The following ITGB3 variants were observed in gnomAD, a reference collection of about 807,000 sequenced individuals.
ITGB3 encodes integrin subunit beta 3, also known as integrin beta-3.
A neutral mutation model predicts 85.8 loss-of-function variants in ITGB3; 48 were observed. That is an observed-to-expected ratio of 0.56 (90% confidence interval 0.44 to 0.71). The LOEUF (loss-of-function observed/expected upper bound fraction) is 0.71. Among genes scored for constraint, ITGB3 ranks in the 30% least tolerant of loss-of-function variants. The pLI, the probability that ITGB3 is intolerant of heterozygous loss-of-function variation, is 0.00. For missense variants in ITGB3, 861 were observed against 1,019.1 expected, an observed-to-expected ratio of 0.84 and a Z score of 2.11; for synonymous variants, 363 against 395.6, an observed-to-expected ratio of 0.92 and a Z score of 0.98.
At chr17:47,282,513 G>C (rs776148433) in intron 2 of ITGB3, among the ~76,000 whole-genome samples, 1 of 152,202 alleles carries the variant, frequency 6.6e-6, no homozygotes, top group African/African-American at 2.4e-5. Context: ...TAGGCTTGGA[G>C]GAATTAGGTG....
chr17:47,291,480 G>A, intron 9 of ITGB3: 2 of 408,852 alleles, frequency 4.9e-6, no homozygotes, highest in Non-Finnish European at 4.4e-6. Context: ...AATCTAAAAT[G>A]TAAAACACTC....
At chr17:47,290,105 C>A in intron 7 of ITGB3, 80 bp from the exon 8 acceptor site, 1 of 1,005,438 alleles carries the variant, frequency 9.9e-7, no homozygotes, top group Non-Finnish European at 1.6e-6. Flanking sequence ...TCTCAGGACT[C>A]TCAGTGGGAT....
chr17:47,256,476 C>T (rs531798629), intron 1 of ITGB3, among the ~76,000 whole-genome samples: 11 of 148,710 alleles, frequency 7.4e-5, no homozygotes, highest in Admixed American at 4.7e-4. Flanking sequence ...GAGTAATACC[C>T]CCCCCCCCAA....
At chr17:47,274,866 T>C (rs1048748277) in intron 2 of ITGB3, among the ~76,000 whole-genome samples, 10 of 152,166 alleles carry the variant, frequency 6.6e-5, no homozygotes, top group Admixed American at 4.6e-4. Flanking sequence ...AGGCTGGTCT[T>C]GAACTAGACA....
intron 1 of ITGB3, 65 bp downstream of exon 1, chr17:47,254,005 G>A: frequency 9.1e-7 from 1 of 1,094,514 alleles, no homozygotes; most frequent in Non-Finnish European, 1.2e-6. Flanking sequence ...GTCAAGTTGC[G>A]GACTTGGAGC....
At chr17:47,277,369 T>C (rs920945236) in intron 2 of ITGB3, among the ~76,000 whole-genome samples, 13 of 152,196 alleles carry the variant, frequency 8.5e-5, no homozygotes, top group Non-Finnish European at 1.5e-4. Context: ...ACATTGCTAA[T>C]TGAAGGGCCA....
intron 2 of ITGB3, among the ~76,000 whole-genome samples, chr17:47,275,478 T>A (rs1198002944): frequency 3.3e-5 from 5 of 152,122 alleles, no homozygotes; most frequent in Non-Finnish European, 5.9e-5. Context: ...GGCCAGCAGG[T>A]GGTTACCTGA....
At chr17:47,266,599 G>T (rs73316462) in intron 1 of ITGB3, among the ~76,000 whole-genome samples, 3,868 of 152,132 alleles carry the variant, frequency 0.025, 169 homozygotes, top group African/African-American at 0.087. Context: ...CTTTTTTGAG[G>T]CAGGGTCTCA....
In ITGB3 at chr17:47,287,142, T is replaced by A; in HGVS notation, c.850T>A (p.Leu284Met). The A allele has an allele frequency of 6.2e-7, 1 of 1,614,078 alleles. No homozygotes were observed. Among genetic ancestry groups the A allele is most frequent in the Non-Finnish European group, 8.5e-7 (1 of 1,179,944 alleles). Residue 284 changes from leucine to methionine, a missense_variant, in exon 6 of 15, where the codon TTG becomes ATG. Physicochemically the swap from Leu to Met is conservative, Grantham distance 15. Transcript: ENST00000559488. ...CACTGATGCCAAGACTCATATAGCA[T>A]TGGACGGAAGGCTGGCAGGCATTGT... ...FTTDAKTHIA[L>M]DGRLAGIVQP... is the part of the protein sequence containing the mutation.
At position 47,310,640 on chromosome 17, in the gene ITGB3, G is replaced by A. The variant is rs1598704808; in HGVS notation, c.*436G>A. The A allele has an allele frequency of 3.5e-6, 1 of 289,080 alleles. No individual in the cohort carries two copies. The highest frequency in any genetic ancestry group is 6.8e-6 in the Non-Finnish European group (1 of 146,780). The allele number at this position is 289,080 out of a possible 1,614,324, so 17.9% of individuals were successfully genotyped here. A position where few individuals can be genotyped will look rare whatever the true frequency, so the allele number is the denominator to read the frequency against. On this transcript the variant is annotated 3_prime_UTR_variant, in exon 15 of 15. Coordinates refer to ENST00000559488, the MANE Select transcript of ITGB3 (RefSeq NM_000212.3). Reference sequence around the variant, plus strand: ...CCAGAGGAAGGGACACCAAGCCTTGGCTCTACCCTGAGTTCATAAATTTAT... The same window carrying A: ...CCAGAGGAAGGGACACCAAGCCTTGACTCTACCCTGAGTTCATAAATTTAT...
intron 13 of ITGB3, 68 bp from the exon 14 acceptor site, chr17:47,307,403 T>C: frequency 6.3e-7 from 1 of 1,577,734 alleles, no homozygotes; most frequent in Non-Finnish European, 8.7e-7. Flanking sequence ...AGAACACCTT[T>C]TTCATAGCCA....
chr17:47,287,641 G>A (rs1189264282), intron 6 of ITGB3, among the ~76,000 whole-genome samples: 2 of 152,206 alleles, frequency 1.3e-5, no homozygotes, highest in East Asian at 3.8e-4. Context: ...GCATATGATG[G>A]CTCATGCCTG....
At position 47,310,819 on chromosome 17, in the gene ITGB3, C is replaced by G. The variant is rs1331852853; in HGVS notation, c.*615C>G. The G allele has an allele frequency of 1.2e-5, 2 of 169,814 alleles. No homozygotes were observed. Among genetic ancestry groups the G allele is most frequent in the Admixed American group, 1.1e-4 (2 of 18,392 alleles). 10.5% of individuals were successfully genotyped at this position (169,814 alleles called of 1,614,324 possible). ...GAGCTGCCTGTGCCTTTTGCCATCC[C>G]CTCAACCCAGCTATGGTTCTCTCGC... On this transcript the variant is annotated 3_prime_UTR_variant, in exon 15 of 15. Transcript: ENST00000559488.
At chr17:47,300,448 G>A (rs2065162983) in intron 11 of ITGB3, 30 bp from the exon 12 acceptor site, 3 of 1,546,714 alleles carry the variant, frequency 1.9e-6, no homozygotes. Flanking sequence ...CTCCTTCTTT[G>A]CCTTAATCAC....
Position 47,310,155 on chromosome 17 carries a change from A to G in ITGB3, c.2318A>G (p.Tyr773Cys), listed in dbSNP as rs1319869140. The G allele has an allele frequency of 1.2e-6, 2 of 1,613,980 alleles. No homozygotes were observed. Among genetic ancestry groups the G allele is most frequent in the East Asian group, 2.2e-5 (1 of 44,882 alleles). ...AKWDTANNPL[Y>C]KEATSTFTNI... is the part of the protein sequence containing the mutation. Reference sequence around the variant, plus strand: ...CCTCCACAGGCCAACAACCCACTGTATAAAGAGGCCACGTCTACCTTCACC... The same window carrying G: ...CCTCCACAGGCCAACAACCCACTGTGTAAAGAGGCCACGTCTACCTTCACC... Residue 773 changes from tyrosine to cysteine, a missense_variant, in exon 15 of 15, where the codon TAT (tyrosine) becomes TGT (cysteine). Coordinates refer to ENST00000559488, the MANE Select transcript of ITGB3 (RefSeq NM_000212.3).
chr17:47,307,044 C>T (rs73322309), intron 13 of ITGB3, among the ~76,000 whole-genome samples: 12,904 of 151,988 alleles, frequency 0.085, 586 homozygotes, highest in East Asian at 0.19. Context: ...GGGTTTGTTC[C>T]GTAGATAAAC....
intron 2 of ITGB3, 138 bp downstream of exon 2, chr17:47,274,642 C>T (rs1331726476): frequency 1.3e-6 from 1 of 742,750 alleles, no homozygotes; most frequent in Middle Eastern, 2.3e-4. Context: ...ATGAATTTTT[C>T]CCATTGATGC....
At position 47,311,545 on chromosome 17, in the gene ITGB3, A is replaced by G. The variant is rs1782263269; in HGVS notation, c.*1341A>G. The G allele has an allele frequency of 6.6e-6, 1 of 152,214 alleles. No homozygotes were observed. The highest frequency in any genetic ancestry group is 2.4e-5 in the African/African-American group (1 of 41,440). 9.4% of individuals were successfully genotyped at this position (152,214 alleles called of 1,614,324 possible). On this transcript the variant is annotated 3_prime_UTR_variant, in exon 15 of 15. Coordinates refer to ENST00000559488, the MANE Select transcript of ITGB3 (RefSeq NM_000212.3). ...ATGGCAAAGAAGGAGAGCATAGGAA[A>G]CCACACAGACTTGGGCAGGGTACAG...
chr17:47,287,148 G>A lies in ITGB3; in HGVS notation c.856G>A (p.Gly286Arg), dbSNP rs1199275720. ...TDAKTHIALD[G>R]RLAGIVQPND... ...TGCCAAGACTCATATAGCATTGGACGGAAGGCTGGCAGGCATTGTCCAGCC... is the reference window on the plus strand; with the variant it reads ...TGCCAAGACTCATATAGCATTGGACAGAAGGCTGGCAGGCATTGTCCAGCC... The change falls in exon 6 of 15, where the codon GGA (glycine) becomes AGA (arginine). Residue 286 changes from glycine (G) to arginine (R), a missense_variant. By Grantham distance (125) the Gly-to-Arg change is moderately radical. Transcript: ENST00000559488. The A allele has an allele frequency of 5.0e-6, 8 of 1,613,990 alleles. No individual in the cohort carries two copies. Among genetic ancestry groups the A allele is most frequent in the South Asian group, 1.1e-5 (1 of 91,070 alleles).
Sources: allele counts gnomAD v4.1 joint callset (sites outside exome capture counted in the v4.1 genomes callset), GRCh38; gene constraint gnomAD v4.1.1; transcripts MANE v1.5; gene names NCBI Gene and HGNC (gene_info 2026-07-23, HGNC 2026-07-21).